The following DNAJC9 variants were observed in gnomAD, a reference collection of about 807,000 sequenced individuals.
DNAJC9 encodes dnaJ homolog subfamily C member 9.
In DNAJC9, 18 loss-of-function variants were observed where a neutral mutation model predicts 32.4. That is an observed-to-expected ratio of 0.56 (90% CI 0.38 to 0.82). The LOEUF (loss-of-function observed/expected upper bound fraction) is 0.82, where lower values mean the gene tolerates loss of function less well. Among genes scored for constraint, DNAJC9 ranks in the 40% least tolerant of loss-of-function variants. The pLI is 0.00. For missense variants in DNAJC9, 310 were observed against 321.8 expected, an observed-to-expected ratio of 0.96 and a Z score of 0.28; for synonymous variants, 113 against 122.1, an observed-to-expected ratio of 0.93 and a Z score of 0.49.
downstream of DNAJC9, among the ~76,000 whole-genome samples, chr10:73,240,092 T>C (rs1242374190): frequency 2.0e-5 from 3 of 152,132 alleles, no homozygotes; most frequent in Non-Finnish European, 4.4e-5. Flanking sequence ...CCCAGGTAAT[T>C]TATTTTTTGT....
At chr10:73,244,033 TATGA>T in intron 3 of DNAJC9, 104 bp from the exon 4 acceptor site, 1 of 890,166 alleles carries the variant, frequency 1.1e-6, no homozygotes, top group Non-Finnish European at 1.8e-6. Flanking sequence ...TTTATGAATA[TATGA>T]ATAGACAAAA....
downstream of DNAJC9, chr10:73,241,159 G>C (rs555119862): frequency 4.6e-6 from 3 of 649,374 alleles, no homozygotes; most frequent in East Asian, 8.9e-5. Flanking sequence ...ACAAGTGACC[G>C]AAGAACAAAA....
chr10:73,235,259 C>T, downstream of DNAJC9: 1 of 1,552,036 alleles, frequency 6.4e-7, no homozygotes, highest in Non-Finnish European at 8.7e-7. Context: ...TCAGCAGCCA[C>T]AAGAAAGGCT....
At chr10:73,246,247 G>C in intron 2 of DNAJC9, 71 bp from the exon 3 acceptor site, 1 of 1,523,052 alleles carries the variant, frequency 6.6e-7, no homozygotes, top group Non-Finnish European at 8.9e-7. Flanking sequence ...AGTAAAACTA[G>C]AGTTGGGTGT....
chr10:73,236,952 G>A (rs1178816652), downstream of DNAJC9, among the ~76,000 whole-genome samples: 1 of 150,922 alleles, frequency 6.6e-6, no homozygotes, highest in Non-Finnish European at 1.5e-5. Context: ...AGGTTCAAGT[G>A]ATCCTCCCAC....
chr10:73,240,507 T>C (rs149102112), downstream of DNAJC9, among the ~76,000 whole-genome samples: 6 of 152,206 alleles, frequency 3.9e-5, no homozygotes, highest in East Asian at 7.7e-4. Flanking sequence ...GGTCAGCATA[T>C]TGAGACCATC....
chr10:73,237,990 C>A (rs1049191284), downstream of DNAJC9, among the ~76,000 whole-genome samples: 4 of 152,124 alleles, frequency 2.6e-5, no homozygotes, highest in East Asian at 7.7e-4. Flanking sequence ...AAATTACTTA[C>A]CATTTCTCTC....
intron 2 of DNAJC9, chr10:73,232,997 A>C (rs1216108615): frequency 2.6e-6 from 4 of 1,551,880 alleles, no homozygotes; most frequent in Non-Finnish European, 3.5e-6. Context: ...TTCAACTCGA[A>C]ATTGGCCAAA....
At chr10:73,240,229 A>G (rs1346064463), downstream of DNAJC9, among the ~76,000 whole-genome samples, 7 of 152,222 alleles carry the variant, frequency 4.6e-5, no homozygotes, top group East Asian at 9.6e-4. Context: ...TGGACAGCTG[A>G]GATGTTTCCT....
In DNAJC9 at chr10:73,246,066, G is replaced by T. The variant is rs1054520804; in HGVS notation, c.432C>A (p.Ile144=). Residue 144 remains isoleucine (I), a synonymous_variant, in exon 3 of 5, where the codon ATC becomes ATA. Transcript: ENST00000372950. The stretch of plus-strand genomic sequence containing the variant: ...ACTGCACGCAAAGCACAGACTCCAT[G>T]ATCTGATCCATGTCACCCTTGAAGT... ...YLDFKGDMDQ[I]MESVLCVQYT... The T allele has an allele frequency of 2.5e-6, 4 of 1,613,680 alleles. No individual in the cohort carries two copies. The African/African-American group carries it at 5.3e-5, about 22-fold the overall frequency.
At chr10:73,232,575 A>G (rs531226852) in intron 2 of DNAJC9, among the ~76,000 whole-genome samples, 1 of 152,340 alleles carries the variant, frequency 6.6e-6, no homozygotes, top group Non-Finnish European at 1.5e-5. Context: ...CCTCAAACAG[A>G]GTAGGAATCA....
downstream of DNAJC9, among the ~76,000 whole-genome samples, chr10:73,236,402 C>T (rs1329017571): frequency 1.3e-5 from 2 of 150,954 alleles, no homozygotes; most frequent in African/African-American, 2.4e-5. Flanking sequence ...TGCATCACTC[C>T]CAATTTCTGC....
chr10:73,243,703 C>A, intron 4 of DNAJC9, 140 bp downstream of exon 4: 1 of 1,096,554 alleles, frequency 9.1e-7, no homozygotes, highest in Non-Finnish European at 1.3e-6. Flanking sequence ...TTAAAACCAC[C>A]AAATTGTACA....
At chr10:73,241,003 C>A, downstream of DNAJC9, 1 of 1,541,122 alleles carries the variant, frequency 6.5e-7, no homozygotes, top group South Asian at 1.2e-5. Flanking sequence ...GTCTCTCGAA[C>A]CAGGCAGGGA....
downstream of DNAJC9, chr10:73,234,473 G>C (rs7083374): frequency 0.028 from 7,204 of 260,746 alleles, 451 homozygotes; most frequent in African/African-American, 0.14. Flanking sequence ...AGAAGGTCCA[G>C]AACTGTCAAG....
intron 3 of DNAJC9, 124 bp from the exon 4 acceptor site, chr10:73,244,053 C>T (rs1000168196): frequency 1.3e-4 from 96 of 719,346 alleles, no homozygotes; most frequent in Middle Eastern, 2.4e-4. Flanking sequence ...CAAAATGAAT[C>T]GAATTACATA....
chr10:73,247,196 C>G lies in DNAJC9; in HGVS notation c.-7G>C. 6.3e-7 allele frequency: 1 copy of G among 1,586,440 alleles called. No homozygotes were observed. The highest frequency in any genetic ancestry group is 8.6e-7 in the Non-Finnish European group (1 of 1,167,582). On this transcript the variant is annotated 5_prime_UTR_variant, in exon 1 of 5. Transcript: ENST00000372950. ...AAAGGTCCAGCAGCCCCATGCCGGG[C>G]GGAGATACGACCCCGGAGGAAGCAG...
chr10:73,237,495 C>T (rs1317320183), downstream of DNAJC9, among the ~76,000 whole-genome samples: 1 of 151,980 alleles, frequency 6.6e-6, no homozygotes, highest in Non-Finnish European at 1.5e-5. Flanking sequence ...CAGCTCACTG[C>T]AGCCTCCACC....
chr10:73,247,105 C>T lies in DNAJC9; in HGVS notation c.85G>A (p.Gly29Ser). 9.4e-6 allele frequency: 15 copies of T among 1,595,624 alleles called. No homozygotes were observed. Among genetic ancestry groups the T allele is most frequent in the Non-Finnish European group, 1.2e-5 (14 of 1,171,972 alleles). ...VLGVRREASD[G>S]EVRRGYHKVS... ...TTGTGGTAGCCTCGTCGGACCTCGC[C>T]GTCGGAGGCCTCGCGTCGCACGCCC... Residue 29 changes from glycine (G) to serine (S), a missense_variant, in exon 1 of 5, where the codon GGC (glycine) becomes AGC (serine). By Grantham distance (56) the Gly-to-Ser change is moderately conservative. Transcript: ENST00000372950.
Sources: allele counts gnomAD v4.1 joint callset (sites outside exome capture counted in the v4.1 genomes callset), GRCh38; gene constraint gnomAD v4.1.1; transcripts MANE v1.5; gene names NCBI Gene and HGNC (gene_info 2026-07-23, HGNC 2026-07-21).